The following DOCK2 variants were observed in gnomAD, a reference collection of about 807,000 sequenced individuals.
DOCK2 encodes the protein dedicator of cytokinesis protein 2.
Under a neutral mutation model 248.9 loss-of-function variants are expected in DOCK2, and 87 were observed. That is an observed-to-expected ratio of 0.35 (90% CI 0.29 to 0.42). The LOEUF (loss-of-function observed/expected upper bound fraction) is 0.42, where lower values mean the gene tolerates loss of function less well. DOCK2 is among the 10% of genes least tolerant of loss of function. The pLI, the probability that DOCK2 is intolerant of heterozygous loss-of-function variation, is 1.00. For synonymous variants in DOCK2, 805 were observed against 821.6 expected, an observed-to-expected ratio of 0.98 and a Z score of 0.35; for missense variants, 1,747 against 2,300.2, an observed-to-expected ratio of 0.76 and a Z score of 4.92.
At chr5:169,813,804 A>G (rs1767899312) in intron 26 of DOCK2, among the ~76,000 whole-genome samples, 1 of 152,136 alleles carries the variant, frequency 6.6e-6, no homozygotes, top group Non-Finnish European at 1.5e-5. Context: ...CAGGGCAGTG[A>G]GAAAGACAGC....
At chr5:169,891,841 A>C (rs1239200598) in intron 27 of DOCK2, among the ~76,000 whole-genome samples, 1 of 152,030 alleles carries the variant, frequency 6.6e-6, no homozygotes, top group African/African-American at 2.4e-5. Context: ...AAAAATACAA[A>C]AAAATTCTCT....
At chr5:169,936,271 C>G (rs761454029) in intron 27 of DOCK2, among the ~76,000 whole-genome samples, 7 of 152,186 alleles carry the variant, frequency 4.6e-5, no homozygotes, top group Non-Finnish European at 7.4e-5. Flanking sequence ...AAGATAATGT[C>G]CGTGCTTCAA....
chr5:169,748,104 G>T (rs1249761530), intron 23 of DOCK2, among the ~76,000 whole-genome samples: 1 of 152,158 alleles, frequency 6.6e-6, no homozygotes, highest in Non-Finnish European at 1.5e-5. Context: ...TGCCTGATGT[G>T]CTGTGAATAA....
chr5:169,644,886 C>T lies in DOCK2; in HGVS notation c.43+7517C>T, dbSNP rs186346367. On this transcript the variant is annotated intron_variant, in intron 1 of 51. Transcript: ENST00000520908. ...TTCAACTCCCACTTATGAGTGAGAA[C>T]AGGCAGTGTTTGGTTTTCTGTTCCT... 4.3e-3 allele frequency among the ~76,000 whole-genome samples: 662 copies of T among 152,250 alleles called. 3 individuals carry two copies. Among genetic ancestry groups the T allele is most frequent in the Non-Finnish European group, 5.7e-3 (388 of 68,022 alleles).
chr5:169,939,111 A>G (rs563448339), intron 27 of DOCK2, among the ~76,000 whole-genome samples: 3 of 151,700 alleles, frequency 2.0e-5, no homozygotes, highest in Non-Finnish European at 2.9e-5. Context: ...TCACCGCATT[A>G]GCCAGGATGG....
In DOCK2 at chr5:170,004,261, C is replaced by G. The variant is rs531423607; in HGVS notation, c.3073-4236C>G. Among the ~76,000 whole-genome samples the G allele has an allele frequency of 1.2e-3, 183 of 152,304 alleles. 2 individuals carry two copies. Among genetic ancestry groups the G allele is most frequent in the African/African-American group, 4.4e-3 (182 of 41,564 alleles). On this transcript the variant is annotated intron_variant, in intron 30 of 51. Coordinates refer to ENST00000520908, the MANE Select transcript of DOCK2 (RefSeq NM_004946.3). ...ATGATAAAAAAATGAAGTACTTCCACAATGGTTGAACTAGTTTACAGTCCC... is the reference window on the plus strand; with the variant it reads ...ATGATAAAAAAATGAAGTACTTCCAGAATGGTTGAACTAGTTTACAGTCCC...
intron 25 of DOCK2, among the ~76,000 whole-genome samples, chr5:169,797,644 A>G (rs1279055296): frequency 2.0e-5 from 3 of 152,186 alleles, no homozygotes; most frequent in Non-Finnish European, 2.9e-5. Flanking sequence ...CTGAATTATA[A>G]TTTGGACTTG....
chr5:170,016,448 A>G (rs1430475052), intron 32 of DOCK2, among the ~76,000 whole-genome samples: 1 of 152,250 alleles, frequency 6.6e-6, no homozygotes, highest in Non-Finnish European at 1.5e-5. Context: ...ACAAAATCCA[A>G]TGTGCTGAAA....
intron 2 of DOCK2, 37 bp downstream of exon 2, chr5:169,654,523 T>C: frequency 1.2e-6 from 2 of 1,611,574 alleles, no homozygotes; most frequent in South Asian, 2.2e-5. Context: ...GCTGGACCCT[T>C]GGCTGATGGA....
chr5:169,770,290 CTTTTTTT>C (rs60938799), intron 25 of DOCK2, among the ~76,000 whole-genome samples: 1 of 101,640 alleles, frequency 9.8e-6, no homozygotes, highest in Non-Finnish European at 1.9e-5. Context: ...ATTCTTGAGT[CTTTTTTT>C]TTTTTTTTTT....
At chr5:169,847,910 C>CA (rs1326526063) in intron 27 of DOCK2, among the ~76,000 whole-genome samples, 1 of 152,118 alleles carries the variant, frequency 6.6e-6, no homozygotes, top group East Asian at 1.9e-4. Flanking sequence ...TGGCCCAGTC[C>CA]AAAAACTCTT....
intron 32 of DOCK2, among the ~76,000 whole-genome samples, chr5:170,013,261 C>T (rs532228850): frequency 6.4e-4 from 97 of 151,958 alleles, no homozygotes; most frequent in African/African-American, 2.2e-3. Flanking sequence ...GCCATCCGTC[C>T]ATTCATTTAC....
At chr5:169,819,450 A>T (rs1768280753) in intron 26 of DOCK2, among the ~76,000 whole-genome samples, 1 of 152,162 alleles carries the variant, frequency 6.6e-6, no homozygotes, top group Non-Finnish European at 1.5e-5. Context: ...GCAAGACCCT[A>T]CACCTACAAA....
chr5:170,078,042 AG>A (rs1757898538), intron 48 of DOCK2, among the ~76,000 whole-genome samples: 1 of 152,146 alleles, frequency 6.6e-6, no homozygotes, highest in Non-Finnish European at 1.5e-5. Context: ...AGGCTCAGAG[AG>A]GCAAGGCAGC....
chr5:170,031,951 A>G (rs193233429), intron 34 of DOCK2, among the ~76,000 whole-genome samples: 476 of 152,306 alleles, frequency 3.1e-3, no homozygotes, highest in Non-Finnish European at 5.3e-3. Flanking sequence ...GTGATGAATC[A>G]GAATCTATTA....
chr5:170,001,731 A>G (rs891828970), intron 30 of DOCK2, among the ~76,000 whole-genome samples: 1 of 152,256 alleles, frequency 6.6e-6, no homozygotes, highest in Non-Finnish European at 1.5e-5. Context: ...TGTGTGAACA[A>G]GAGTGAATTT....
chr5:169,856,685 TTC>T (rs1406701613), intron 27 of DOCK2, among the ~76,000 whole-genome samples: 16 of 152,188 alleles, frequency 1.1e-4, no homozygotes, highest in African/African-American at 3.9e-4. Flanking sequence ...CATCCGTGAT[TTC>T]TGTTTGTAGA....
chr5:170,044,269 G>A (rs1756618519), intron 38 of DOCK2, among the ~76,000 whole-genome samples: 1 of 152,194 alleles, frequency 6.6e-6, no homozygotes, highest in Non-Finnish European at 1.5e-5. Context: ...TGTTCCATGA[G>A]AGTAGAGTCT....
At chr5:169,931,913 T>C (rs561902659) in intron 27 of DOCK2, among the ~76,000 whole-genome samples, 4 of 152,280 alleles carry the variant, frequency 2.6e-5, no homozygotes, top group African/African-American at 9.6e-5. Context: ...TCAGGGAAAA[T>C]ATCATGCATT....
Sources: gnomAD v4.1 joint callset for allele counts (sites outside exome capture counted in the v4.1 genomes callset) on GRCh38, gnomAD v4.1.1 for gene constraint, MANE v1.5 for transcripts, NCBI Gene and HGNC (gene_info 2026-07-23, HGNC 2026-07-21) for gene names.